The following KDM2B variants were observed in gnomAD, a reference collection of about 807,000 sequenced individuals.
The protein encoded by KDM2B is lysine-specific demethylase 2B.
In KDM2B, 26 loss-of-function variants were observed where a neutral mutation model predicts 150.0. The observed-to-expected ratio is 0.17, with a 90% CI of 0.13 to 0.24. KDM2B has a LOEUF of 0.24. KDM2B is among the 10% of genes least tolerant of loss of function. The probability of loss-of-function intolerance (pLI) is 1.00; values close to 1 mark genes in which losing one functional copy is unlikely to be tolerated. For missense variants in KDM2B, 1,265 were observed against 1,816.9 expected (o/e 0.70, Z 5.52); for synonymous variants, 734 against 729.5 (o/e 1.01, Z -0.10).
chr12:121,420,526 G>C, the KDM2B span: 1 of 1,593,450 alleles, frequency 6.3e-7, no homozygotes, highest in African/African-American at 1.3e-5. Flanking sequence ...TTTAGAGTGG[G>C]GAGGGTCTGG....
At chr12:121,476,290 C>T (rs557623200) in intron 12 of KDM2B, among the ~76,000 whole-genome samples, 44 of 150,328 alleles carry the variant, frequency 2.9e-4, no homozygotes, top group African/African-American at 9.6e-4. Context: ...GGCGAGACTT[C>T]GCCTCAAAAA....
intron 8 of KDM2B, chr12:121,524,772 TC>T: frequency 2.3e-6 from 1 of 429,246 alleles, no homozygotes; most frequent in African/African-American, 2.0e-5. Context: ...GCCTCCTGCT[TC>T]CAGCCAGAGT....
the KDM2B span, among the ~76,000 whole-genome samples, chr12:121,412,610 T>C: frequency 6.6e-6 from 1 of 151,942 alleles, no homozygotes; most frequent in East Asian, 1.9e-4. Context: ...AACTCCTGAC[T>C]TCATGTGATC....
chr12:121,580,801 A>C lies in KDM2B; in HGVS notation c.111T>G (p.Phe37Leu), dbSNP rs1555317892. The change falls in exon 1 of 23, where the codon TTT becomes TTG. Residue 37 changes from phenylalanine (F) to leucine (L), a missense_variant. This residue lies in a region of KDM2B where 53 missense variants were observed against 56.0 expected (regional missense o/e 0.95). Transcript: ENST00000377071. ...KTVIYTKCFE[F>L]ESATQRPIDR... ...CCAACATTACCTGTGTGGCCGACTC[A>C]AATTCAAAGCATTTTGTATATATAA... The C allele has an allele frequency of 4.3e-6, 7 of 1,613,360 alleles. No individual in the cohort carries two copies. Among genetic ancestry groups the C allele is most frequent in the Non-Finnish European group, 5.9e-6 (7 of 1,179,774 alleles).
intron 4 of KDM2B, among the ~76,000 whole-genome samples, chr12:121,562,489 A>C (rs1188173346): frequency 6.6e-6 from 1 of 152,146 alleles, no homozygotes; most frequent in African/African-American, 2.4e-5. Flanking sequence ...GTCTCAAAAA[A>C]AAAGTCTGGG....
intron 12 of KDM2B, among the ~76,000 whole-genome samples, chr12:121,483,424 G>T (rs145540051): frequency 5.1e-4 from 77 of 152,178 alleles, no homozygotes; most frequent in African/African-American, 1.8e-3. Context: ...TGTAATCCTA[G>T]CACTTTGGGA....
intron 11 of KDM2B, among the ~76,000 whole-genome samples, chr12:121,504,189 C>T (rs1041536094): frequency 2.3e-4 from 35 of 152,116 alleles, no homozygotes; most frequent in African/African-American, 8.0e-4. Flanking sequence ...TAACGCTGTA[C>T]AGTCTCCCAG....
At chr12:121,534,891 G>T (rs374933440) in intron 6 of KDM2B, among the ~76,000 whole-genome samples, 1 of 152,058 alleles carries the variant, frequency 6.6e-6, no homozygotes, top group African/African-American at 2.4e-5. Context: ...GGTTCCTAAC[G>T]GGGTGGGTTT....
the KDM2B span, among the ~76,000 whole-genome samples, chr12:121,413,723 C>T: frequency 3.3e-5 from 5 of 151,690 alleles, no homozygotes; most frequent in African/African-American, 7.3e-5. Context: ...GACTACAGGC[C>T]CCACCAGCAT....
chr12:121,447,775 C>T (rs1393945410), intron 13 of KDM2B, among the ~76,000 whole-genome samples: 2 of 151,880 alleles, frequency 1.3e-5, no homozygotes, highest in East Asian at 1.9e-4. Context: ...TCAAGCGATT[C>T]TCCCACCTCA....
chr12:121,497,136 A>AG (rs1262480749), intron 11 of KDM2B, among the ~76,000 whole-genome samples: 3 of 152,088 alleles, frequency 2.0e-5, no homozygotes, highest in Non-Finnish European at 4.4e-5. Flanking sequence ...AACTGGCTCC[A>AG]GGGGTTTAAA....
chr12:121,422,724 T>A, the KDM2B span, among the ~76,000 whole-genome samples: 2 of 151,972 alleles, frequency 1.3e-5, no homozygotes. Context: ...CAGGCTGGGG[T>A]TAACTTTTTT....
chr12:121,453,033 G>C lies in KDM2B; in HGVS notation c.1959+87C>G. The C allele has an allele frequency of 1.7e-6, 2 of 1,199,610 alleles. No homozygotes were observed. Among genetic ancestry groups the C allele is most frequent in the Non-Finnish European group, 2.3e-6 (2 of 873,044 alleles). The allele number at this position is 1,199,610 out of a possible 1,614,324, so 74.3% of individuals were successfully genotyped here. A position where few individuals can be genotyped will look rare whatever the true frequency, so the allele number is the denominator to read the frequency against. ...GCCCCGGCTTCTCTGTGTGCGGAGG[G>C]GCGGCCAGAGCGAGCAGCGGTCAGA... On this transcript the variant is annotated intron_variant, in intron 13 of 22. Coordinates refer to ENST00000377071, the MANE Select transcript of KDM2B (RefSeq NM_032590.5). The surrounding 1 kb of genome is among the most constrained non-coding windows in gnomAD (Gnocchi z 6.4).
At chr12:121,418,262 A>G in the KDM2B span, 1 of 198,742 alleles carries the variant, frequency 5.0e-6, no homozygotes. Context: ...CACGTGTTTC[A>G]GTGACCACAG....
intron 12 of KDM2B, among the ~76,000 whole-genome samples, chr12:121,459,681 T>G (rs544020123): frequency 1.4e-4 from 21 of 152,100 alleles, no homozygotes; most frequent in African/African-American, 4.6e-4. Flanking sequence ...AAATACAAAA[T>G]TAGCCAGGTG....
the KDM2B span, chr12:121,417,390 C>A: frequency 1.3e-6 from 1 of 796,266 alleles, no homozygotes; most frequent in Non-Finnish European, 2.0e-6. The surrounding 1 kb of genome is among the most constrained non-coding windows in gnomAD (Gnocchi z 5.0). Context: ...TAGTCTGGTG[C>A]CACTGGGGAC....
intron 12 of KDM2B, among the ~76,000 whole-genome samples, chr12:121,478,215 C>T (rs1555297132): frequency 1.3e-5 from 2 of 151,716 alleles, no homozygotes; most frequent in Admixed American, 1.3e-4. Context: ...AGTACATGGG[C>T]GGGTTTGTTA....
intron 11 of KDM2B, among the ~76,000 whole-genome samples, chr12:121,501,324 A>G (rs1236237085): frequency 6.6e-6 from 1 of 152,186 alleles, no homozygotes; most frequent in Non-Finnish European, 1.5e-5. Flanking sequence ...TGTTGCAGCA[A>G]GCCAAGATCA....
intron 12 of KDM2B, among the ~76,000 whole-genome samples, chr12:121,481,705 C>T (rs1332323024): frequency 6.6e-6 from 1 of 152,126 alleles, no homozygotes; most frequent in African/African-American, 2.4e-5. Flanking sequence ...TCTAATTACT[C>T]CAAAGGCCAG....
Sources: gnomAD v4.1 joint callset for allele counts (sites outside exome capture counted in the v4.1 genomes callset) on GRCh38, gnomAD v4.1.1 for gene constraint, gnomAD v4.1.1 regional missense constraint, Gnocchi (gnomAD v3.1) non-coding constraint, MANE v1.5 for transcripts, NCBI Gene and HGNC (gene_info 2026-07-23, HGNC 2026-07-21) for gene names.